The following ERGIC1 variants were observed in gnomAD, a reference collection of about 807,000 sequenced individuals.
ERGIC1 encodes the protein endoplasmic reticulum-Golgi intermediate compartment protein 1.
In ERGIC1, 19 loss-of-function variants were observed where a neutral mutation model predicts 38.3. The observed-to-expected ratio is 0.50, with a 90% CI of 0.35 to 0.73. ERGIC1 has a LOEUF of 0.73. Ranked by LOEUF, ERGIC1 falls within the 30% of genes least tolerant of loss-of-function variation. The probability of loss-of-function intolerance (pLI) is 0.01; values close to 1 mark genes in which losing one functional copy is unlikely to be tolerated. For synonymous variants in ERGIC1, 124 were observed against 157.6 expected (o/e 0.79, Z 1.60); for missense variants, 294 against 389.2 (o/e 0.76, Z 2.06).
rs369883015 is a variant in ERGIC1 at position 172,891,227 on chromosome 5, C to T, written c.82+2467C>T. ...CTGTGCAGCTTTGTGCCTTGACTCC[C>T]GAGGAAAGGATATGGAGGGGACCAT... On this transcript the variant is annotated intron_variant, in intron 2 of 9. Coordinates refer to ENST00000393784, the MANE Select transcript of ERGIC1 (RefSeq NM_001031711.3). Among the ~76,000 whole-genome samples the T allele has an allele frequency of 1.3e-4, 20 of 152,198 alleles. No individual in the cohort carries two copies. The South Asian group carries it at 1.5e-3, about 11-fold the overall frequency.
chr5:172,912,165 A>T (rs2085440470), intron 4 of ERGIC1, among the ~76,000 whole-genome samples: 1 of 147,870 alleles, frequency 6.8e-6, no homozygotes, highest in South Asian at 2.1e-4. Context: ...CATTTATTCC[A>T]TTCTTCCAGG....
At chr5:172,935,671 G>T (rs1213259653) in intron 9 of ERGIC1, 2 of 186,812 alleles carry the variant, frequency 1.1e-5, no homozygotes, top group Non-Finnish European at 1.1e-5. Context: ...TGTAAATTTT[G>T]CACCAAAGAT....
chr5:172,937,437 A>C (rs1763910250), intron 9 of ERGIC1: 1 of 152,058 alleles, frequency 6.6e-6, no homozygotes, highest in South Asian at 2.1e-4. Flanking sequence ...AGGTGGAAGC[A>C]GGAGGATGAC....
chr5:172,835,544 G>A (rs1240698856), intron 1 of ERGIC1, among the ~76,000 whole-genome samples: 1 of 152,190 alleles, frequency 6.6e-6, no homozygotes, highest in Admixed American at 6.5e-5. Context: ...TGTTCTCCAG[G>A]AGGGGTTTTC....
At chr5:172,842,585 A>G (rs900409972) in intron 1 of ERGIC1, among the ~76,000 whole-genome samples, 3 of 152,092 alleles carry the variant, frequency 2.0e-5, no homozygotes, top group African/African-American at 7.2e-5. Flanking sequence ...TTTGTTGAGA[A>G]ATCTTCCTCC....
chr5:172,882,166 G>C (rs116270817), intron 1 of ERGIC1, among the ~76,000 whole-genome samples: 5,778 of 152,288 alleles, frequency 0.038, 384 homozygotes, highest in African/African-American at 0.13. Flanking sequence ...TGTGGCGTGG[G>C]AATGGAGTCA....
intron 1 of ERGIC1, among the ~76,000 whole-genome samples, chr5:172,847,691 T>C (rs1479798436): frequency 6.6e-6 from 1 of 152,154 alleles, no homozygotes; most frequent in East Asian, 1.9e-4. Context: ...ATTTTTGTAT[T>C]TTTAGTAGAG....
At chr5:172,914,073 A>C (rs1257037184) in intron 4 of ERGIC1, among the ~76,000 whole-genome samples, 1 of 151,914 alleles carries the variant, frequency 6.6e-6, no homozygotes, top group Non-Finnish European at 1.5e-5. Context: ...CGTCTCTACT[A>C]AAAATACAAA....
chr5:172,903,102 C>T (rs910815153), intron 3 of ERGIC1, among the ~76,000 whole-genome samples: 2 of 152,026 alleles, frequency 1.3e-5, no homozygotes, highest in Non-Finnish European at 2.9e-5. Flanking sequence ...GGAATGTGCT[C>T]CCGACTGCTC....
At chr5:172,850,809 G>A (rs1248384209) in intron 1 of ERGIC1, among the ~76,000 whole-genome samples, 8 of 152,128 alleles carry the variant, frequency 5.3e-5, no homozygotes, top group Admixed American at 4.6e-4. Flanking sequence ...GGCATCAGAG[G>A]TTGAGTTTTG....
intron 1 of ERGIC1, among the ~76,000 whole-genome samples, chr5:172,845,269 T>C (rs1205220368): frequency 1.3e-5 from 2 of 152,128 alleles, no homozygotes; most frequent in African/African-American, 4.8e-5. Flanking sequence ...AGTGGAAGCC[T>C]TGGGGGGCCC....
chr5:172,933,151 T>A (rs1763813602), intron 8 of ERGIC1: 1 of 152,496 alleles, frequency 6.6e-6, no homozygotes, highest in Admixed American at 6.5e-5. Context: ...CAATGGGACA[T>A]GAATACTTGA....
intron 3 of ERGIC1, among the ~76,000 whole-genome samples, chr5:172,908,945 G>A (rs1763130388): frequency 6.6e-6 from 1 of 152,158 alleles, no homozygotes; most frequent in South Asian, 2.1e-4. Context: ...GCCTGCTGGC[G>A]CCAGGCCCTG....
At chr5:172,876,604 T>TA (rs1250539389) in intron 1 of ERGIC1, among the ~76,000 whole-genome samples, 3 of 152,232 alleles carry the variant, frequency 2.0e-5, no homozygotes, top group Non-Finnish European at 4.4e-5. Context: ...ATAATCGACT[T>TA]ACAATAAATG....
intron 2 of ERGIC1, among the ~76,000 whole-genome samples, chr5:172,895,506 A>G (rs75674129): frequency 0.054 from 8,156 of 152,188 alleles, 676 homozygotes; most frequent in African/African-American, 0.18. Context: ...TCTGCCGTAC[A>G]CAATACCTGT....
In ERGIC1 at chr5:172,871,314, C is replaced by T. The variant is rs73325132; in HGVS notation, c.21-17385C>T. On this transcript the variant is annotated intron_variant, in intron 1 of 9. Coordinates refer to ENST00000393784, the MANE Select transcript of ERGIC1 (RefSeq NM_001031711.3). ...TGCTGTTCCAGGAACCTGCCAGATA[C>T]GCTCCCTGCCTCGAGGCCTTTGCAC... Among the ~76,000 whole-genome samples the T allele has an allele frequency of 4.0e-3, 608 of 152,280 alleles. 2 individuals carry two copies. The highest frequency in any genetic ancestry group is 0.013 in the African/African-American group (545 of 41,558).
intron 1 of ERGIC1, among the ~76,000 whole-genome samples, chr5:172,883,415 A>G (rs1162401473): frequency 2.6e-5 from 4 of 152,120 alleles, no homozygotes; most frequent in East Asian, 1.9e-4. Context: ...GTCTCCTTCA[A>G]TCTGTGACAG....
At chr5:172,925,467 G>A (rs1763630428) in intron 6 of ERGIC1, among the ~76,000 whole-genome samples, 1 of 152,122 alleles carries the variant, frequency 6.6e-6, no homozygotes, top group African/African-American at 2.4e-5. Flanking sequence ...ATTGCTTGTT[G>A]AGAACATGCA....
At chr5:172,894,603 G>C (rs1762679098) in intron 2 of ERGIC1, among the ~76,000 whole-genome samples, 1 of 152,140 alleles carries the variant, frequency 6.6e-6, no homozygotes, top group South Asian at 2.1e-4. Flanking sequence ...CCTTCACTCG[G>C]AGCCTAAGTT....
Sources: gnomAD v4.1 joint callset for allele counts (sites outside exome capture counted in the v4.1 genomes callset) on GRCh38, gnomAD v4.1.1 for gene constraint, MANE v1.5 for transcripts, NCBI Gene and HGNC (gene_info 2026-07-23, HGNC 2026-07-21) for gene names.